OBSL1: variants seen among roughly 807,000 people sequenced by gnomAD.
The protein encoded by OBSL1 is obscurin-like protein 1.
OBSL1 carries 160 observed loss-of-function variants against 172.0 expected under a neutral mutation model. The ratio of observed to expected loss-of-function variants is 0.93; its 90% confidence interval spans 0.82 to 1.06. The LOEUF (loss-of-function observed/expected upper bound fraction) is 1.06, where lower values mean the gene tolerates loss of function less well. Ranked by LOEUF, OBSL1 falls within the 50% of genes least tolerant of loss-of-function variation. OBSL1 has a pLI of 0.00. For synonymous variants in OBSL1, 1,200 were observed against 1,196.3 expected, an observed-to-expected ratio of 1.00 and a Z score of -0.06; for missense variants, 2,681 against 2,715.4, an observed-to-expected ratio of 0.99 and a Z score of 0.28.
intron 20 of OBSL1, 141 bp downstream of exon 20, chr2:219,551,366 GCCCTGGGTGTGCTCTACCCCTC>G (rs1695598856): frequency 7.2e-7 from 1 of 1,392,060 alleles, no homozygotes; most frequent in South Asian, 1.5e-5. Context: ...GGGCTTTCCA[GCCCTGGGTGTGCTCTACCCCTC>G]CCCTCCCCCA....
At position 219,557,969 on chromosome 2, in the gene OBSL1, T is replaced by A. The variant is rs1336506292; in HGVS notation, c.3644A>T (p.Glu1215Val). 1.2e-6 allele frequency: 2 copies of A among 1,609,718 alleles called. No homozygotes were observed. Among genetic ancestry groups the A allele is most frequent in the South Asian group, 2.2e-5 (2 of 90,820 alleles). The change falls in exon 11 of 21, where the codon GAG (glutamate) becomes GTG (valine). Residue 1215 changes from glutamate (E) to valine (V), a missense_variant. Transcript: ENST00000404537. Reference sequence around the variant, plus strand: ...GGCATGGAGCTCTAGGCCCTCGCCCTCCTGCACGGGCCTCCCATTGTGGCT... The same window carrying A: ...GGCATGGAGCTCTAGGCCCTCGCCCACCTGCACGGGCCTCCCATTGTGGCT... ...VWSHNGRPVQ[E>V]GEGLELHAEG...
At chr2:219,556,371 A>C (rs1696005390) in intron 13 of OBSL1, 79 bp from the exon 14 acceptor site, 29 of 1,585,204 alleles carry the variant, frequency 1.8e-5, no homozygotes, top group Non-Finnish European at 2.5e-5. Context: ...GTCTGTCCCT[A>C]GGTGGAGAGG....
rs1488278653 is a variant in OBSL1 at position 219,552,906 on chromosome 2, C to T, written c.5108G>A (p.Gly1703Glu). 5 of 1,540,444 alleles carry T rather than the reference C, an allele frequency of 3.2e-6. No individual in the cohort carries two copies. The highest frequency in any genetic ancestry group is 4.4e-6 in the Non-Finnish European group (5 of 1,145,258). The part of the protein sequence containing the change: ...SDAGTYSCAV[G>E]TARAGPVRLT... ...GCGGACCGGTCCGGCGCGGGCCGTC[C>T]CCACCGCGCAGCTGTAGGTCCCGGC... The change falls in exon 17 of 21, where the codon GGG (glycine) becomes GAG (glutamate). Residue 1703 changes from glycine (G) to glutamate (E), a missense_variant. This residue lies in a region of OBSL1 where 1,765 missense variants were observed against 1,748.3 expected (regional missense o/e 1.01). Transcript: ENST00000404537.
At chr2:219,547,758 A>G (rs1327806468), downstream of OBSL1, 1 of 1,593,650 alleles carries the variant, frequency 6.3e-7, no homozygotes, top group African/African-American at 1.3e-5. Flanking sequence ...TCCGCACCCT[A>G]CTACCAGCCA....
rs191256186 is a variant in OBSL1, at chr2:219,571,114, G to C, written c.119C>G (p.Pro40Arg). The change falls in exon 1 of 21, where the codon CCG becomes CGG. Residue 40 changes from proline (P) to arginine (R), a missense_variant. Pro to Arg is a moderately radical substitution (Grantham distance 103). Coordinates refer to ENST00000404537, the MANE Select transcript of OBSL1 (RefSeq NM_015311.3). ...ELKCVVLGEP[P>R]PVVVWEKGGQ... ...GCCCTTCTCCCACACCACTACAGGC[G>C]GCGGCTCCCCCAGGACCACGCACTT... 2,491 of 1,469,716 alleles carry C rather than the reference G, an allele frequency of 1.7e-3. 53 individuals are homozygous for C. The African/African-American group carries it at 0.032, about 19-fold the overall frequency. The allele number at this position is 1,469,716 out of a possible 1,614,324, so 91.0% of individuals were successfully genotyped here. A position where few individuals can be genotyped will look rare whatever the true frequency, so the allele number is the denominator to read the frequency against.
rs1465234207 is a variant in OBSL1, at chr2:219,570,777, C to T, written c.456G>A (p.Gly152=). 1 of 1,491,740 alleles carries T rather than the reference C, an allele frequency of 6.7e-7. No homozygotes were observed. The highest frequency in any genetic ancestry group is 8.9e-7 in the Non-Finnish European group (1 of 1,127,920). 92.4% of individuals were successfully genotyped at this position (1,491,740 alleles called of 1,614,324 possible). The change falls in exon 1 of 21, where the codon GGG becomes GGA. Residue 152 remains glycine (G), a synonymous_variant. Coordinates refer to ENST00000404537, the MANE Select transcript of OBSL1 (RefSeq NM_015311.3). ...AGTACAGTGTGGGCTCGGGGAGGCC[C>T]CCCGCCCGGCACGTCAGCACCACCT... ...GAEVVLTCRA[G]GLPEPTLYWE... is the part of the protein sequence containing the mutation.
intron 19 of OBSL1, 57 bp from the exon 20 acceptor site, chr2:219,551,855 A>C: frequency 9.1e-7 from 1 of 1,102,310 alleles, no homozygotes; most frequent in Non-Finnish European, 1.3e-6. Flanking sequence ...CCCCAGGAGG[A>C]GAGATGCATC....
At chr2:219,549,597 C>A, downstream of OBSL1, 1 of 1,467,824 alleles carries the variant, frequency 6.8e-7, no homozygotes, top group East Asian at 2.3e-5. Flanking sequence ...GGTCTCAGGG[C>A]TGTGGACTCT....
intron 18 of OBSL1, 34 bp downstream of exon 18, chr2:219,552,502 C>T: frequency 6.4e-7 from 1 of 1,570,840 alleles, no homozygotes; most frequent in Non-Finnish European, 8.6e-7. Context: ...GGCGGGGCAG[C>T]GAGGGGCCCG....
Position 219,552,947 on chromosome 2 carries a change from G to A in OBSL1, c.5067C>T (p.Arg1689=). Residue 1689 remains arginine (R), a synonymous_variant, in exon 17 of 21, where the codon CGC becomes CGT. Transcript: ENST00000404537. ...AGGTCCCGGCGTCCGAGGGGCCGCA[G>A]CGTCGCAGCTGGAGAAGGCGGCGCG... is the stretch of plus-strand genomic sequence containing the variant. ...LGTRRLLQLR[R]CGPSDAGTYS... 6.5e-7 allele frequency: 1 copy of A among 1,535,182 alleles called. No homozygotes were observed. The highest frequency in any genetic ancestry group is 8.7e-7 in the Non-Finnish European group (1 of 1,144,216).
intron 13 of OBSL1, 81 bp from the exon 14 acceptor site, chr2:219,556,373 G>A: frequency 1.3e-6 from 2 of 1,586,508 alleles, no homozygotes; most frequent in South Asian, 1.2e-5. Context: ...CTGTCCCTAG[G>A]TGGAGAGGCA....
chr2:219,553,050 G>C, intron 16 of OBSL1, 26 bp from the exon 17 acceptor site: 2 of 1,461,530 alleles, frequency 1.4e-6, no homozygotes, highest in African/African-American at 1.5e-5. Context: ...GCAGAGGGTC[G>C]GGGCGAGCCC....
At chr2:219,557,261 TG>T in intron 12 of OBSL1, 81 bp downstream of exon 12, 1 of 1,330,418 alleles carries the variant, frequency 7.5e-7, no homozygotes, top group Non-Finnish European at 9.9e-7. Flanking sequence ...AAAGCGGGGG[TG>T]GAGGAGTAAG....
intron 15 of OBSL1, 166 bp downstream of exon 15, chr2:219,554,282 CCAGGCAGAGGACTCTGGGGCCACACA>C: frequency 4.4e-6 from 3 of 681,012 alleles, no homozygotes; most frequent in Non-Finnish European, 7.4e-6. Context: ...GGGGCCACAC[CCAGGCAGAGGACTCTGGGGCCACACA>C]GGGCCTATGA....
At position 219,567,864 on chromosome 2, in the gene OBSL1, C is replaced by A; in HGVS notation, c.1388G>T (p.Arg463Leu). The change falls in exon 3 of 21, where the codon CGT (arginine) becomes CTT (leucine). Residue 463 changes from arginine (R) to leucine (L), a missense_variant. Physicochemically the swap from Arg to Leu is moderately radical, Grantham distance 102. This residue lies in a region of OBSL1 where 706 missense variants were observed against 695.8 expected (regional missense o/e 1.01). Transcript: ENST00000404537. ...GATGACCGGCAGCTCCTCCCCATCA[C>A]GGCTCCAGCGTCCCTCGACCCCGGC... ...LEAGVEGRWS[R>L]DGEELPVICQ... The A allele has an allele frequency of 6.2e-7, 1 of 1,613,956 alleles. No individual in the cohort carries two copies. The highest frequency in any genetic ancestry group is 8.5e-7 in the Non-Finnish European group (1 of 1,179,894).
Position 219,568,219 on chromosome 2 carries a change from C to T in OBSL1, c.1118G>A (p.Trp373Ter). The T allele has an allele frequency of 1.2e-6, 2 of 1,613,622 alleles. No homozygotes were observed. Among genetic ancestry groups the T allele is most frequent in the Non-Finnish European group, 1.7e-6 (2 of 1,179,856 alleles). ...CAGCAGCCGCTGGTCCTCACGGAACCAGGCCGTGGGGATGCGGGAGTTGGG... is the reference window on the plus strand; with the variant it reads ...CAGCAGCCGCTGGTCCTCACGGAACTAGGCCGTGGGGATGCGGGAGTTGGG... ...KVPNSRIPTA[W>*]FREDQRLLPC... The change falls in exon 2 of 21, where the codon TGG becomes TAG. Residue 373 changes from tryptophan to a stop codon, truncating the protein, a stop_gained. Coordinates refer to ENST00000404537, the MANE Select transcript of OBSL1 (RefSeq NM_015311.3). LOFTEE classifies it high-confidence loss of function. This position sits in a 1 kb window ranked among gnomAD's most constrained non-coding sequence, Gnocchi z 4.1.
In OBSL1 at chr2:219,563,449, G is replaced by A; in HGVS notation, c.2586C>T (p.Arg862=). The change falls in exon 7 of 21, where the codon CGC becomes CGT. Residue 862 remains arginine, a synonymous_variant. Coordinates refer to ENST00000404537, the MANE Select transcript of OBSL1 (RefSeq NM_015311.3). The part of the protein sequence containing the change: ...FVVLENEGPH[R]RLVLPATQPS... ...GCTGGGTGGCGGGCAGCACCAGGCG[G>A]CGATGGGGCCCCTCATTCTCCAGCA... The A allele has an allele frequency of 6.2e-7, 1 of 1,613,800 alleles. No individual in the cohort carries two copies. Among genetic ancestry groups the A allele is most frequent in the East Asian group, 2.2e-5 (1 of 44,872 alleles).
Position 219,570,404 on chromosome 2 carries a change from TCTCGGG to T in OBSL1, c.823_828del (p.Pro275_Glu276del). On this transcript the variant is annotated inframe_deletion, in exon 1 of 21. Coordinates refer to ENST00000404537, the MANE Select transcript of OBSL1 (RefSeq NM_015311.3). ...GGGCGGCCCTCCCAGTGCCATTCGA[TCTCGGG>T]CTCGGGCTTGCCCATCACGTAGCAG... is the stretch of plus-strand genomic sequence containing the variant. 1.9e-6 allele frequency: 3 copies of T among 1,613,096 alleles called. No homozygotes were observed. The highest frequency in any genetic ancestry group is 1.1e-5 in the South Asian group (1 of 91,072).
rs767303314 is a variant in OBSL1 at position 219,554,620 on chromosome 2, A to G, written c.4730T>C (p.Val1577Ala). Residue 1577 changes from valine (V) to alanine (A), a missense_variant, in exon 15 of 21, where the codon GTA (valine) becomes GCA (alanine). Around this residue, in one of 5 missense-constraint regions of OBSL1, gnomAD observed 1,765 missense variants for 1,748.3 expected, o/e 1.01. Transcript: ENST00000404537. ...ACACTTGGGTCCTGGATACAGCTGT[A>G]CTCCACCCCGGGCCCACTCCCCGGT... ...GVTGEWARGG[V>A]QLYPGPKCHI... The G allele has an allele frequency of 1.9e-6, 3 of 1,611,880 alleles. No individual in the cohort carries two copies. The African/African-American group carries it at 4.0e-5, about 22-fold the overall frequency.
Sources: gnomAD v4.1 joint callset for allele counts on GRCh38, gnomAD v4.1.1 for gene constraint, gnomAD v4.1.1 regional missense constraint, Gnocchi (gnomAD v3.1) non-coding constraint, MANE v1.5 for transcripts, NCBI Gene and HGNC (gene_info 2026-07-23, HGNC 2026-07-21) for gene names.